Variants in TMEM131 observed in about 807,000 individuals in gnomAD.
TMEM131 encodes transmembrane protein 131.
TMEM131 carries 66 observed loss-of-function variants against 211.6 expected under a neutral mutation model. That is an observed-to-expected ratio of 0.31 (90% CI 0.26 to 0.38). The LOEUF (loss-of-function observed/expected upper bound fraction) is 0.38. Ranked by LOEUF, TMEM131 falls within the 10% of genes least tolerant of loss-of-function variation. The pLI is 1.00. For synonymous variants in TMEM131, 844 were observed against 841.3 expected (o/e 1.00, Z -0.06); for missense variants, 2,036 against 2,299.3 (o/e 0.89, Z 2.34).
rs953802026 is a variant in TMEM131, at chr2:97,792,641, G to A, written c.3889C>T (p.Pro1297Ser). 18 of 1,613,758 alleles carry A rather than the reference G, an allele frequency of 1.1e-5. No individual in the cohort carries two copies. The highest frequency in any genetic ancestry group is 1.5e-5 in the Non-Finnish European group (18 of 1,179,798). The change falls in exon 31 of 41, where the codon CCG becomes TCG. Residue 1297 changes from proline to serine, a missense_variant. Physicochemically the swap from Pro to Ser is moderately conservative, Grantham distance 74 (BLOSUM62 -1). This residue lies in a region of TMEM131 where 1,623 missense variants were observed against 1,805.9 expected (regional missense o/e 0.90). Coordinates refer to ENST00000186436, the MANE Select transcript of TMEM131 (RefSeq NM_015348.2). The stretch of plus-strand genomic sequence containing the variant: ...GGAGGCTGAGGGTGCTGCTCCAGCG[G>A]GCTGTGGGCATGGTGCTGGCTGCCG... Reference protein sequence around the residue: ...QHGSQHHAHSPLEQHPQPPLP... With the variant: ...QHGSQHHAHSSLEQHPQPPLP...
rs1680478512 is a variant in TMEM131, at chr2:97,995,674, G to T, written c.-12C>A. ...GCCCGCTTCCCCATCCCTGCCGGCC[G>T]GGGGCCGCCGCGCTCGAGGTCCGGC... is the stretch of plus-strand genomic sequence containing the variant. On this transcript the variant is annotated 5_prime_UTR_variant, in exon 1 of 41. Coordinates refer to ENST00000186436, the MANE Select transcript of TMEM131 (RefSeq NM_015348.2). 1 of 1,198,896 alleles carries T rather than the reference G, an allele frequency of 8.3e-7. No individual in the cohort carries two copies. The highest frequency in any genetic ancestry group is 3.5e-5 in the East Asian group (1 of 28,428). The allele number at this position is 1,198,896 out of a possible 1,614,324, so 74.3% of individuals were successfully genotyped here.
At chr2:97,796,738 C>G in intron 27 of TMEM131, 106 bp downstream of exon 27, 1 of 1,140,666 alleles carries the variant, frequency 8.8e-7, no homozygotes, top group Non-Finnish European at 1.3e-6. Context: ...GCATTCATAA[C>G]TAATATACAC....
At chr2:97,869,894 C>T (rs1460912991) in intron 4 of TMEM131, among the ~76,000 whole-genome samples, 3 of 152,182 alleles carry the variant, frequency 2.0e-5, no homozygotes, top group Admixed American at 6.5e-5. Context: ...TTTATCTGCT[C>T]GAGGTCTCAC....
intron 11 of TMEM131, among the ~76,000 whole-genome samples, chr2:97,823,056 T>C (rs538014052): frequency 6.6e-6 from 1 of 152,086 alleles, no homozygotes; most frequent in African/African-American, 2.4e-5. Flanking sequence ...AAATACCTTA[T>C]CTCTAAGCTT....
chr2:97,872,621 C>T (rs937830192), intron 4 of TMEM131, among the ~76,000 whole-genome samples: 1 of 152,136 alleles, frequency 6.6e-6, no homozygotes, highest in Non-Finnish European at 1.5e-5. Context: ...TGGGGCATCA[C>T]CTCATCTGTG....
At chr2:97,853,102 T>G (rs1260487925) in intron 5 of TMEM131, among the ~76,000 whole-genome samples, 1 of 152,238 alleles carries the variant, frequency 6.6e-6, no homozygotes, top group African/African-American at 2.4e-5. Context: ...TACAAGAAGA[T>G]GCACGTTGTT....
At chr2:97,821,615 C>T (rs72942819) in intron 11 of TMEM131, among the ~76,000 whole-genome samples, 7,582 of 152,218 alleles carry the variant, frequency 0.05, 377 homozygotes, top group African/African-American at 0.13. Flanking sequence ...GAAGAAATTC[C>T]GGACACATTT....
intron 31 of TMEM131, among the ~76,000 whole-genome samples, chr2:97,783,892 T>C (rs1573354563): frequency 1.3e-5 from 2 of 149,060 alleles, no homozygotes; most frequent in Admixed American, 6.7e-5. Context: ...TATAGGCAGG[T>C]TGAAGTAAAA....
At chr2:97,939,559 G>A (rs1559461578) in intron 1 of TMEM131, among the ~76,000 whole-genome samples, 1 of 152,270 alleles carries the variant, frequency 6.6e-6, no homozygotes, top group Non-Finnish European at 1.5e-5. Context: ...AAGAAGTCCA[G>A]GACCAGACAG....
At chr2:97,872,261 T>C (rs1422089702) in intron 4 of TMEM131, among the ~76,000 whole-genome samples, 1 of 152,118 alleles carries the variant, frequency 6.6e-6, no homozygotes, top group East Asian at 1.9e-4. Context: ...GGCCTGATAC[T>C]TTTTAGAAGA....
Position 97,818,614 on chromosome 2 carries a change from A to G in TMEM131, c.1182T>C (p.Asp394=), listed in dbSNP as rs745511895. The change falls in exon 12 of 41, where the codon GAT becomes GAC. Residue 394 remains aspartate, a splice_region_variant and synonymous_variant. Transcript: ENST00000186436. ...KYTKVASISF[D]ASKAKKPSQF... is the part of the protein sequence containing the mutation. ...AGAGAGAAAATGGTGAATACTTGCC[A>G]TCAAAACTAATGCTTGCAACCTTGG... The G allele has an allele frequency of 1.9e-6, 3 of 1,583,468 alleles. No homozygotes were observed. In the Admixed American group the frequency reaches 5.2e-5, roughly 27 times the overall value.
At chr2:97,993,121 T>C (rs995465933) in intron 1 of TMEM131, among the ~76,000 whole-genome samples, 1 of 152,222 alleles carries the variant, frequency 6.6e-6, no homozygotes, top group Admixed American at 6.5e-5. Context: ...TTATTGTCTT[T>C]TAAAGATTTT....
intron 32 of TMEM131, among the ~76,000 whole-genome samples, 196 bp from the exon 33 acceptor site, chr2:97,772,620 GTGCGGTGGCGCATGCC>G (rs1679520538): frequency 6.6e-6 from 1 of 152,248 alleles, no homozygotes; most frequent in Admixed American, 6.5e-5. Flanking sequence ...TCTCAGCTGT[GTGCGGTGGCGCATGCC>G]TGTAATCCCA....
chr2:97,917,705 A>T (rs1190420243), intron 2 of TMEM131, among the ~76,000 whole-genome samples: 1 of 152,198 alleles, frequency 6.6e-6, no homozygotes, highest in Non-Finnish European at 1.5e-5. Context: ...GCCCCTTATA[A>T]AACCACCAGA....
At chr2:97,860,252 CCT>C (rs1000666777) in intron 4 of TMEM131, among the ~76,000 whole-genome samples, 1 of 152,158 alleles carries the variant, frequency 6.6e-6, no homozygotes, top group Non-Finnish European at 1.5e-5. Context: ...AACAAGTAAC[CCT>C]GTTTTCAATC....
At chr2:97,970,006 T>C (rs1573632039) in intron 1 of TMEM131, among the ~76,000 whole-genome samples, 1 of 152,334 alleles carries the variant, frequency 6.6e-6, no homozygotes, top group South Asian at 2.1e-4. Flanking sequence ...TCCATTCTCC[T>C]TGTTGATGAA....
At chr2:97,957,495 CT>C (rs1678624912) in intron 1 of TMEM131, among the ~76,000 whole-genome samples, 1 of 152,110 alleles carries the variant, frequency 6.6e-6, no homozygotes, top group African/African-American at 2.4e-5. Context: ...TCAAGGGATA[CT>C]ATTTTGGTGC....
chr2:97,840,764 C>T (rs957332032), intron 7 of TMEM131, among the ~76,000 whole-genome samples: 5 of 152,196 alleles, frequency 3.3e-5, no homozygotes, highest in Non-Finnish European at 7.3e-5. Flanking sequence ...GACATAAGAA[C>T]AGGTTCTTCT....
chr2:97,952,877 GT>G (rs1678387342), intron 1 of TMEM131, among the ~76,000 whole-genome samples: 1 of 152,066 alleles, frequency 6.6e-6, no homozygotes, highest in Non-Finnish European at 1.5e-5. Context: ...GTGAAACCCT[GT>G]CTCATTAAAA....
Sources: allele counts gnomAD v4.1 joint callset (sites outside exome capture counted in the v4.1 genomes callset), GRCh38; gene constraint gnomAD v4.1.1; regional missense constraint gnomAD v4.1.1; transcripts MANE v1.5; gene names NCBI Gene and HGNC (gene_info 2026-07-23, HGNC 2026-07-21).